The following FHIT variants were observed in gnomAD, a reference collection of about 807,000 sequenced individuals.
The protein encoded by FHIT is fragile histidine triad diadenosine triphosphatase.
Under a neutral mutation model 17.9 loss-of-function variants are expected in FHIT, and 19 were observed. That is an observed-to-expected ratio of 1.06 (90% CI 0.74 to 1.56). The LOEUF (loss-of-function observed/expected upper bound fraction) is 1.56, where lower values mean the gene tolerates loss of function less well. FHIT is among the 40% of genes most tolerant of loss of function. The pLI, the probability that FHIT is intolerant of heterozygous loss-of-function variation, is 0.00. For missense variants in FHIT, 248 were observed against 189.2 expected (o/e 1.31, Z -1.82); for synonymous variants, 81 against 69.7 (o/e 1.16, Z -0.81).
chr3:61,033,335 C>T (rs990486578), intron 3 of FHIT, among the ~76,000 whole-genome samples: 4 of 152,182 alleles, frequency 2.6e-5, no homozygotes, highest in African/African-American at 4.8e-5. Flanking sequence ...ATAGTAGCCA[C>T]TGGCCACATA....
intron 3 of FHIT, among the ~76,000 whole-genome samples, chr3:61,023,264 T>A (rs2032551383): frequency 6.6e-6 from 1 of 151,922 alleles, no homozygotes; most frequent in African/African-American, 2.4e-5. Context: ...CAGAATAAAA[T>A]ACCCAGGAAT....
chr3:59,898,905 T>C lies in FHIT; in HGVS notation c.348+23441A>G, dbSNP rs565420410. On this transcript the variant is annotated intron_variant, in intron 8 of 9. Coordinates refer to ENST00000492590, the MANE Select transcript of FHIT (RefSeq NM_002012.4). Reference sequence around the variant, plus strand: ...TAGGCAATTAATAGACATTGTCAGATAGAATCCTCCTCCATGACCTAGAAA... The same window carrying C: ...TAGGCAATTAATAGACATTGTCAGACAGAATCCTCCTCCATGACCTAGAAA... Among the ~76,000 whole-genome samples, 61 of 152,310 alleles carry C rather than the reference T, an allele frequency of 4.0e-4. 1 individual carries two copies. The highest frequency in any genetic ancestry group is 2.1e-3 in the South Asian group (10 of 4,822).
intron 5 of FHIT, among the ~76,000 whole-genome samples, chr3:60,132,358 T>C (rs1011432045): frequency 2.6e-5 from 4 of 152,164 alleles, no homozygotes; most frequent in Non-Finnish European, 5.9e-5. Context: ...GGTTAGATGG[T>C]CACTAGTTAT....
At chr3:60,037,261 A>G (rs1240440829) in intron 5 of FHIT, among the ~76,000 whole-genome samples, 1 of 152,212 alleles carries the variant, frequency 6.6e-6, no homozygotes, top group African/African-American at 2.4e-5. Context: ...ACAAGGTAGA[A>G]AATACATACA....
intron 2 of FHIT, among the ~76,000 whole-genome samples, chr3:61,053,853 G>A (rs186458955): frequency 1.6e-4 from 24 of 152,240 alleles, no homozygotes; most frequent in Middle Eastern, 3.4e-3. Context: ...AATCTGGAGC[G>A]AACCCAATCT....
At chr3:61,142,300 C>T (rs1213074030) in intron 2 of FHIT, among the ~76,000 whole-genome samples, 2 of 151,504 alleles carry the variant, frequency 1.3e-5, no homozygotes, top group African/African-American at 4.8e-5. Context: ...CAAAAGTAAG[C>T]TTTGGTATTA....
chr3:60,001,977 A>C (rs1262876488), intron 7 of FHIT, among the ~76,000 whole-genome samples: 3 of 152,184 alleles, frequency 2.0e-5, no homozygotes, highest in African/African-American at 7.2e-5. Flanking sequence ...GGGAACACGA[A>C]CTGATATATG....
intron 5 of FHIT, among the ~76,000 whole-genome samples, chr3:60,268,083 T>C (rs213336): frequency 1.3e-5 from 2 of 152,056 alleles, no homozygotes; most frequent in South Asian, 2.1e-4. Context: ...ATATCATTCA[T>C]AGAACCTCAA....
intron 4 of FHIT, among the ~76,000 whole-genome samples, chr3:60,772,054 A>G (rs1296814916): frequency 6.6e-6 from 1 of 152,176 alleles, no homozygotes; most frequent in Admixed American, 6.5e-5. Context: ...GTGGTGTACA[A>G]TGATTGACAA....
intron 3 of FHIT, among the ~76,000 whole-genome samples, chr3:61,020,877 G>C (rs906125674): frequency 4.1e-4 from 63 of 152,198 alleles, no homozygotes; most frequent in African/African-American, 1.4e-3. Context: ...AGCAGGAGTT[G>C]CAATACTAGT....
At chr3:61,230,732 A>T (rs762372707) in intron 1 of FHIT, among the ~76,000 whole-genome samples, 17 of 152,140 alleles carry the variant, frequency 1.1e-4, no homozygotes, top group Non-Finnish European at 2.2e-4. Context: ...TAATTTTTTA[A>T]ATGTCTTTGC....
At chr3:59,940,017 C>T (rs1706435033) in intron 7 of FHIT, among the ~76,000 whole-genome samples, 1 of 152,164 alleles carries the variant, frequency 6.6e-6, no homozygotes, top group South Asian at 2.1e-4. Context: ...TGACAATATA[C>T]AGAATCTGCA....
intron 2 of FHIT, among the ~76,000 whole-genome samples, chr3:61,172,474 G>T (rs1387211900): frequency 6.6e-6 from 1 of 152,164 alleles, no homozygotes; most frequent in Non-Finnish European, 1.5e-5. Flanking sequence ...GGGAGCTGAG[G>T]CACGAGGGAC....
chr3:59,767,225 G>A (rs188007089), intron 8 of FHIT, among the ~76,000 whole-genome samples: 5 of 152,248 alleles, frequency 3.3e-5, no homozygotes, highest in East Asian at 3.9e-4. Flanking sequence ...TGGGCCGGGC[G>A]CGGTGGCTCA....
At chr3:60,391,735 T>C (rs1701241886) in intron 5 of FHIT, among the ~76,000 whole-genome samples, 1 of 152,212 alleles carries the variant, frequency 6.6e-6, no homozygotes, top group Non-Finnish European at 1.5e-5. Context: ...GTAACTATGA[T>C]GTTCATACAA....
intron 2 of FHIT, among the ~76,000 whole-genome samples, chr3:61,196,792 A>G (rs982628510): frequency 1.8e-4 from 28 of 152,188 alleles, no homozygotes; most frequent in Admixed American, 1.8e-3. Flanking sequence ...GAGGCCCCCA[A>G]CCGGAACTGT....
chr3:60,583,353 C>T (rs2037808121), intron 4 of FHIT, among the ~76,000 whole-genome samples: 1 of 151,886 alleles, frequency 6.6e-6, no homozygotes, highest in Non-Finnish European at 1.5e-5. Flanking sequence ...TTTCCTAGAT[C>T]AGGGGTTGTC....
intron 5 of FHIT, among the ~76,000 whole-genome samples, chr3:60,302,714 C>T (rs1375450420): frequency 1.3e-5 from 2 of 152,136 alleles, no homozygotes; most frequent in Non-Finnish European, 2.9e-5. Flanking sequence ...ACACATATAC[C>T]TGATTTGAGA....
At chr3:60,028,312 G>A (rs969809618) in intron 5 of FHIT, among the ~76,000 whole-genome samples, 22 of 152,130 alleles carry the variant, frequency 1.4e-4, no homozygotes, top group Admixed American at 5.2e-4. Context: ...CCAACAACAC[G>A]GTTTAAATTT....
Sources: gnomAD v4.1 joint callset for allele counts (sites outside exome capture counted in the v4.1 genomes callset) on GRCh38, gnomAD v4.1.1 for gene constraint, MANE v1.5 for transcripts, NCBI Gene and HGNC (gene_info 2026-07-23, HGNC 2026-07-21) for gene names.